Variants in NRG2 observed in about 807,000 individuals in gnomAD.
NRG2 encodes the protein neuregulin 2, also known as pro-neuregulin-2, membrane-bound isoform.
Under a neutral mutation model 73.9 loss-of-function variants are expected in NRG2, and 27 were observed. The observed-to-expected ratio is 0.37, with a 90% CI of 0.27 to 0.50. The LOEUF (loss-of-function observed/expected upper bound fraction) is 0.50, where lower values mean the gene tolerates loss of function less well. Among genes scored for constraint, NRG2 ranks in the 20% least tolerant of loss-of-function variants. The probability of loss-of-function intolerance (pLI) is 0.96; values close to 1 mark genes in which losing one functional copy is unlikely to be tolerated. For synonymous variants in NRG2, 532 were observed against 541.0 expected (o/e 0.98, Z 0.23); for missense variants, 1,126 against 1,210.1 (o/e 0.93, Z 1.03).
chr5:139,847,130 T>G lies in NRG2; in HGVS notation c.*787A>C, dbSNP rs1275268869. 6.6e-6 allele frequency: 1 copy of G among 152,016 alleles called. No homozygotes were observed. The highest frequency in any genetic ancestry group is 1.5e-5 in the Non-Finnish European group (1 of 68,016). The allele number at this position is 152,016 out of a possible 1,614,324, so 9.4% of individuals were successfully genotyped here. A position where few individuals can be genotyped will look rare whatever the true frequency, so the allele number is the denominator to read the frequency against. On this transcript the variant is annotated 3_prime_UTR_variant, in exon 10 of 10. Coordinates refer to ENST00000361474, the MANE Select transcript of NRG2 (RefSeq NM_004883.3). ...ATCTGAAATGCAAAGGACATGCAGG[T>G]GTAAAATAGAAAAGACGACCTGTAA...
intron 2 of NRG2, among the ~76,000 whole-genome samples, chr5:139,882,230 A>AGGAGAGGCAAGC (rs1476300203): frequency 2.0e-5 from 3 of 152,038 alleles, no homozygotes; most frequent in African/African-American, 7.2e-5. Context: ...AAGGAGGCTG[A>AGGAGAGGCAAGC]GGAGAGGCAA....
chr5:139,957,998 C>G (rs189937169), intron 1 of NRG2, among the ~76,000 whole-genome samples: 3 of 152,204 alleles, frequency 2.0e-5, no homozygotes, highest in African/African-American at 7.2e-5. Context: ...GGGTCCTAGA[C>G]TCCAGAACCA....
intron 1 of NRG2, among the ~76,000 whole-genome samples, chr5:140,040,165 C>G (rs1761806842): frequency 6.6e-6 from 1 of 152,112 alleles, no homozygotes; most frequent in South Asian, 2.1e-4. Flanking sequence ...ATAAGGCTCC[C>G]CAAAATGGTA....
intron 1 of NRG2, among the ~76,000 whole-genome samples, chr5:139,989,014 A>G (rs1554118043): frequency 6.6e-6 from 1 of 152,058 alleles, no homozygotes; most frequent in Non-Finnish European, 1.5e-5. Context: ...AAAGACATTA[A>G]TTGAATTTGT....
intron 3 of NRG2, among the ~76,000 whole-genome samples, chr5:139,880,434 C>T (rs1763456347): frequency 6.6e-6 from 1 of 152,128 alleles, no homozygotes; most frequent in Admixed American, 6.5e-5. Flanking sequence ...CCACCCATGG[C>T]CCAGTGGAGA....
chr5:139,925,998 C>A (rs1306498725), intron 1 of NRG2, among the ~76,000 whole-genome samples: 1 of 152,228 alleles, frequency 6.6e-6, no homozygotes, highest in Non-Finnish European at 1.5e-5. Flanking sequence ...TCCAACTCAG[C>A]CCCCTGCCAC....
intron 1 of NRG2, among the ~76,000 whole-genome samples, chr5:140,029,147 T>C (rs1325825411): frequency 6.6e-6 from 1 of 152,196 alleles, no homozygotes. Flanking sequence ...TTATAACAAA[T>C]AACTGTTGCT....
chr5:139,965,921 T>C (rs1478592231), intron 1 of NRG2, among the ~76,000 whole-genome samples: 1 of 152,206 alleles, frequency 6.6e-6, no homozygotes, highest in African/African-American at 2.4e-5. Flanking sequence ...CAGTCTCTCA[T>C]ATTGCCCTAT....
intron 1 of NRG2, among the ~76,000 whole-genome samples, chr5:140,037,632 G>A (rs939911544): frequency 9.2e-5 from 14 of 152,134 alleles, no homozygotes; most frequent in Admixed American, 3.9e-4. Flanking sequence ...ACTTTGGGCC[G>A]GGCGCGGTGG....
In NRG2 at chr5:139,853,111, G is replaced by A; in HGVS notation, c.1293-84C>T. 6.4e-7 allele frequency: 1 copy of A among 1,570,856 alleles called. No homozygotes were observed. The highest frequency in any genetic ancestry group is 1.8e-5 in the Admixed American group (1 of 54,694). ...CCCTAGCTATCTCTCTAGGGAAACAGCTTTTCCTCCTGCCCAGGGTGGCCA... is the reference window on the plus strand; with the variant it reads ...CCCTAGCTATCTCTCTAGGGAAACAACTTTTCCTCCTGCCCAGGGTGGCCA... On this transcript the variant is annotated intron_variant, in intron 6 of 9. Coordinates refer to ENST00000361474, the MANE Select transcript of NRG2 (RefSeq NM_004883.3). The surrounding 1 kb of genome is among the most constrained non-coding windows in gnomAD (Gnocchi z 4.1).
intron 1 of NRG2, among the ~76,000 whole-genome samples, chr5:140,029,685 C>T (rs1168786350): frequency 2.7e-5 from 2 of 73,742 alleles, no homozygotes; most frequent in African/African-American, 5.0e-5. Context: ...AAGACTCTGT[C>T]TCAAAAAAAA....
At chr5:139,876,925 C>CTGTG (rs3082489) in intron 3 of NRG2, among the ~76,000 whole-genome samples, 5,284 of 141,934 alleles carry the variant, frequency 0.037, 145 homozygotes, top group African/African-American at 0.075. Flanking sequence ...GAATGTGCAT[C>CTGTG]TGTGTGTGTG....
chr5:139,939,002 GAAGGA>G (rs1387270943), intron 1 of NRG2, among the ~76,000 whole-genome samples: 1 of 146,280 alleles, frequency 6.8e-6, no homozygotes, highest in Non-Finnish European at 1.5e-5. Flanking sequence ...AGGAAGCAAG[GAAGGA>G]AAGGAAGGAA....
At chr5:140,011,128 G>A (rs1370697211) in intron 1 of NRG2, among the ~76,000 whole-genome samples, 3 of 152,190 alleles carry the variant, frequency 2.0e-5, no homozygotes, top group Non-Finnish European at 4.4e-5. Context: ...AAACTTCTCA[G>A]CATAGCCTAC....
At chr5:139,994,223 CA>C (rs1031456752) in intron 1 of NRG2, among the ~76,000 whole-genome samples, 1 of 151,550 alleles carries the variant, frequency 6.6e-6, no homozygotes, top group Non-Finnish European at 1.5e-5. Flanking sequence ...TGCTTTGTTC[CA>C]AAAAAAAGAA....
chr5:139,945,638 T>G (rs995613877), intron 1 of NRG2, among the ~76,000 whole-genome samples: 19 of 152,170 alleles, frequency 1.2e-4, no homozygotes, highest in Admixed American at 5.9e-4. Flanking sequence ...GGATTTTTTT[T>G]CCTGTTTCTG....
At chr5:139,863,577 A>G (rs61646191) in intron 5 of NRG2, among the ~76,000 whole-genome samples, 26,836 of 152,184 alleles carry the variant, frequency 0.18, 3,506 homozygotes, top group African/African-American at 0.37. Flanking sequence ...GGGACTCGCC[A>G]TCCAGGACAG....
At chr5:139,938,760 T>C (rs1340770495) in intron 1 of NRG2, among the ~76,000 whole-genome samples, 1 of 151,320 alleles carries the variant, frequency 6.6e-6, no homozygotes, top group Admixed American at 6.6e-5. Context: ...ACAAAGGTTT[T>C]AAGGCAATTC....
intron 1 of NRG2, among the ~76,000 whole-genome samples, chr5:140,035,419 GT>G (rs1761437681): frequency 2.0e-5 from 3 of 152,172 alleles, no homozygotes; most frequent in Admixed American, 6.5e-5. Flanking sequence ...TTATATGATT[GT>G]AAGCTCATCA....
Sources: allele counts gnomAD v4.1 joint callset (sites outside exome capture counted in the v4.1 genomes callset), GRCh38; gene constraint gnomAD v4.1.1; non-coding constraint Gnocchi (gnomAD v3.1); transcripts MANE v1.5; gene names NCBI Gene and HGNC (gene_info 2026-07-23, HGNC 2026-07-21).